ANKRD55: variants seen among roughly 807,000 people sequenced by gnomAD.
ANKRD55 encodes the protein ankyrin repeat domain 55, also known as ankyrin repeat domain-containing protein 55.
ANKRD55 carries 41 observed loss-of-function variants against 60.6 expected under a neutral mutation model. The ratio of observed to expected loss-of-function variants is 0.68; its 90% CI spans 0.53 to 0.88. ANKRD55 has a LOEUF of 0.88. ANKRD55 is among the 40% of genes least tolerant of loss of function. The probability of loss-of-function intolerance (pLI) is 0.00; values close to 1 mark genes in which losing one functional copy is unlikely to be tolerated. For synonymous variants in ANKRD55, 264 were observed against 290.3 expected, an observed-to-expected ratio of 0.91 and a Z score of 0.92; for missense variants, 732 against 767.6, an observed-to-expected ratio of 0.95 and a Z score of 0.55.
At chr5:56,140,018 G>A (rs1443961088) in intron 7 of ANKRD55, among the ~76,000 whole-genome samples, 1 of 152,104 alleles carries the variant, frequency 6.6e-6, no homozygotes, top group African/African-American at 2.4e-5. Flanking sequence ...TTACCTAGTA[G>A]GCCTACTGTT....
At chr5:56,190,154 G>A (rs778874135) in intron 2 of ANKRD55, among the ~76,000 whole-genome samples, 1 of 152,132 alleles carries the variant, frequency 6.6e-6, no homozygotes, top group East Asian at 1.9e-4. Context: ...CAAATCCTTT[G>A]CCCATTTTTA....
intron 2 of ANKRD55, among the ~76,000 whole-genome samples, chr5:56,197,954 G>A (rs879834538): frequency 6.6e-6 from 1 of 152,162 alleles, no homozygotes; most frequent in African/African-American, 2.4e-5. Context: ...TCCCTTGATT[G>A]ATTAAATTAT....
At chr5:56,217,869 C>G (rs750722024) in intron 2 of ANKRD55, among the ~76,000 whole-genome samples, 3 of 149,892 alleles carry the variant, frequency 2.0e-5, no homozygotes, top group Non-Finnish European at 4.4e-5. Flanking sequence ...GCACTCCAGC[C>G]TGGGTGACAG....
chr5:56,170,849 TA>T, intron 4 of ANKRD55, 46 bp from the exon 5 acceptor site: 7 of 1,534,846 alleles, frequency 4.6e-6, no homozygotes, highest in Non-Finnish European at 6.3e-6. Flanking sequence ...GAAGCTCACG[TA>T]ACATGGTCCA....
chr5:56,134,373 T>A (rs1757498647), intron 7 of ANKRD55, among the ~76,000 whole-genome samples: 1 of 112,776 alleles, frequency 8.9e-6, no homozygotes, highest in African/African-American at 2.9e-5. Context: ...AGGTCAGGAG[T>A]TCGAGACCAG....
intron 7 of ANKRD55, among the ~76,000 whole-genome samples, chr5:56,141,069 AT>A (rs1015742433): frequency 1.3e-5 from 2 of 151,712 alleles, no homozygotes; most frequent in Admixed American, 6.6e-5. Flanking sequence ...TCTCAAAAAA[AT>A]ATATCTATCT....
At chr5:56,183,655 C>T (rs893477978) in intron 2 of ANKRD55, 21 bp from the exon 3 acceptor site, 1 of 1,613,296 alleles carries the variant, frequency 6.2e-7, no homozygotes, top group Non-Finnish European at 8.5e-7. Context: ...AAAACAGACA[C>T]AATGTTAGTG....
At chr5:56,106,419 G>GTTTTTTTTTTTTTTT (rs1561248216) in intron 10 of ANKRD55, among the ~76,000 whole-genome samples, 4 of 106,868 alleles carry the variant, frequency 3.7e-5, no homozygotes, top group African/African-American at 1.1e-4. Flanking sequence ...GGCTAGGAAA[G>GTTTTTTTTTTTTTTT]CTTTTTTTTT....
intron 2 of ANKRD55, among the ~76,000 whole-genome samples, chr5:56,220,579 C>T (rs1759934237): frequency 6.6e-6 from 1 of 152,142 alleles, no homozygotes; most frequent in African/African-American, 2.4e-5. Context: ...CTTTGGGAGG[C>T]CGAGGAAGGC....
intron 4 of ANKRD55, among the ~76,000 whole-genome samples, chr5:56,173,582 CTATATA>C (rs1182603115): frequency 0.01 from 462 of 45,218 alleles, 7 homozygotes; most frequent in East Asian, 0.037. Flanking sequence ...CTCTCTCTCT[CTATATA>C]TATATATATA....
chr5:56,193,435 G>T, intron 2 of ANKRD55: 2 of 537,426 alleles, frequency 3.7e-6, no homozygotes, highest in Non-Finnish European at 6.8e-6. Flanking sequence ...TCCTGTAGAG[G>T]GTCCTGGTTG....
intron 4 of ANKRD55, among the ~76,000 whole-genome samples, chr5:56,174,311 C>G (rs7706529): frequency 2.6e-5 from 4 of 152,196 alleles, no homozygotes; most frequent in Admixed American, 2.6e-4. Context: ...AATTTTTGAA[C>G]TTTGAAAGGG....
intron 6 of ANKRD55, among the ~76,000 whole-genome samples, chr5:56,150,206 A>C (rs1378225601): frequency 6.6e-6 from 1 of 152,132 alleles, no homozygotes; most frequent in South Asian, 2.1e-4. Context: ...AACAACCCAC[A>C]GTAGTATAAA....
chr5:56,111,666 T>G lies in ANKRD55; in HGVS notation c.1082A>C (p.His361Pro). 1.3e-6 allele frequency: 2 copies of G among 1,529,674 alleles called. No homozygotes were observed. The highest frequency in any genetic ancestry group is 1.7e-6 in the Non-Finnish European group (2 of 1,144,056). The allele number at this position is 1,529,674 out of a possible 1,614,324, so 94.8% of individuals were successfully genotyped here. A position where few individuals can be genotyped will look rare whatever the true frequency, so the allele number is the denominator to read the frequency against. ...CKNKKEEQRA[H>P]QKDPSRDRYR... ...TCGGTCCCTGCTGGGATCCTTCTGATGGGCTCTCTGCTCTTCTTTCTTGTT... is the reference window on the plus strand; with the variant it reads ...TCGGTCCCTGCTGGGATCCTTCTGAGGGGCTCTCTGCTCTTCTTTCTTGTT... Residue 361 changes from histidine to proline, a missense_variant, in exon 10 of 12, where the codon CAT becomes CCT. Transcript: ENST00000341048.
At chr5:56,199,211 A>G (rs1759304241) in intron 2 of ANKRD55, among the ~76,000 whole-genome samples, 1 of 152,212 alleles carries the variant, frequency 6.6e-6, no homozygotes, top group African/African-American at 2.4e-5. Flanking sequence ...CCAGCTCTAA[A>G]GTTTTAGGGT....
intron 7 of ANKRD55, among the ~76,000 whole-genome samples, chr5:56,138,286 C>T (rs1187292533): frequency 6.6e-6 from 1 of 152,020 alleles, no homozygotes; most frequent in African/African-American, 2.4e-5. Context: ...CACTACCATG[C>T]CCAGCTAATT....
At chr5:56,201,966 A>G (rs577103990) in intron 2 of ANKRD55, among the ~76,000 whole-genome samples, 1 of 152,354 alleles carries the variant, frequency 6.6e-6, no homozygotes, top group Non-Finnish European at 1.5e-5. Flanking sequence ...ATGCAGCAAT[A>G]AAAAAGAACG....
chr5:56,222,080 C>T (rs1759980592), intron 2 of ANKRD55, among the ~76,000 whole-genome samples: 1 of 151,908 alleles, frequency 6.6e-6, no homozygotes, highest in Non-Finnish European at 1.5e-5. Flanking sequence ...AGTAGCCTAA[C>T]TGGGAGGCAC....
At chr5:56,151,887 A>G (rs1758059529) in intron 6 of ANKRD55, among the ~76,000 whole-genome samples, 1 of 149,686 alleles carries the variant, frequency 6.7e-6, no homozygotes, top group Non-Finnish European at 1.5e-5. Flanking sequence ...ATATACATAT[A>G]CATACACACG....
Sources: allele counts gnomAD v4.1 joint callset (sites outside exome capture counted in the v4.1 genomes callset), GRCh38; gene constraint gnomAD v4.1.1; transcripts MANE v1.5; gene names NCBI Gene and HGNC (gene_info 2026-07-23, HGNC 2026-07-21).